Variants in CDH4 observed in about 807,000 individuals in gnomAD.
CDH4 encodes cadherin-4.
Under a neutral mutation model 86.0 loss-of-function variants are expected in CDH4, and 33 were observed. The ratio of observed to expected loss-of-function variants is 0.38; its 90% CI spans 0.29 to 0.51. The LOEUF is 0.51. Among genes scored for constraint, CDH4 ranks in the 20% least tolerant of loss-of-function variants. The pLI is 0.86. For synonymous variants in CDH4, 555 were observed against 549.4 expected (o/e 1.01, Z -0.14); for missense variants, 1,114 against 1,307.4 (o/e 0.85, Z 2.28).
At chr20:61,734,793 G>A (rs1446194571) in intron 2 of CDH4, among the ~76,000 whole-genome samples, 16 of 152,074 alleles carry the variant, frequency 1.1e-4, no homozygotes, top group Non-Finnish European at 1.0e-4. Flanking sequence ...AGTTTTCTCC[G>A]TCCCCACCCA....
chr20:61,455,980 A>AGGAT lies in CDH4; in HGVS notation c.169+201060_169+201063dup, dbSNP rs139765371. On this transcript the variant is annotated intron_variant, in intron 2 of 15. Coordinates refer to ENST00000614565, the MANE Select transcript of CDH4 (RefSeq NM_001794.5). ...ATAGATGGAGAGAAGGAAGGATAGA[A>AGGAT]GGATGGATGGATGGATGGATAGATA... Among the ~76,000 whole-genome samples, 152 of 151,934 alleles carry AGGAT rather than the reference A, an allele frequency of 1.0e-3. 1 individual carries two copies. Among genetic ancestry groups the AGGAT allele is most frequent in the South Asian group, 5.8e-3 (28 of 4,792 alleles).
At chr20:61,278,850 C>T (rs1235199552) in intron 2 of CDH4, among the ~76,000 whole-genome samples, 7 of 152,240 alleles carry the variant, frequency 4.6e-5, no homozygotes, top group Non-Finnish European at 1.0e-4. Flanking sequence ...TGCCACTTAC[C>T]TGGGAGGAGT....
In CDH4 at chr20:61,864,675, G is replaced by A. The variant is rs140711400; in HGVS notation, c.878-9053G>A. On this transcript the variant is annotated intron_variant, in intron 6 of 15. Transcript: ENST00000614565. The stretch of plus-strand genomic sequence containing the variant: ...AACTCCCAGAGCCAAGCCCTTGCCA[G>A]CGCGGACGGCGCCCATGAGAGGACC... 4.8e-3 allele frequency among the ~76,000 whole-genome samples: 728 copies of A among 152,326 alleles called. 4 individuals carry two copies. The highest frequency in any genetic ancestry group is 0.02 in the Middle Eastern group (6 of 294).
chr20:61,474,639 G>T (rs2145572094), intron 2 of CDH4, among the ~76,000 whole-genome samples: 1 of 152,028 alleles, frequency 6.6e-6, no homozygotes, highest in East Asian at 1.9e-4. Flanking sequence ...ATTGTGCCAT[G>T]GGTGACTTGA....
At chr20:61,443,070 T>C (rs916822630) in intron 2 of CDH4, among the ~76,000 whole-genome samples, 3 of 152,232 alleles carry the variant, frequency 2.0e-5, no homozygotes, top group African/African-American at 7.2e-5. Flanking sequence ...TGAGAACCGC[T>C]GCCTAGGAAG....
intron 3 of CDH4, among the ~76,000 whole-genome samples, chr20:61,761,927 A>G (rs1220483032): frequency 1.3e-5 from 2 of 152,074 alleles, no homozygotes; most frequent in African/African-American, 2.4e-5. Flanking sequence ...AGCTCCGCAC[A>G]GCAGGCAGCG....
chr20:61,527,222 A>G (rs933921795), intron 2 of CDH4, among the ~76,000 whole-genome samples: 2 of 152,186 alleles, frequency 1.3e-5, no homozygotes, highest in Non-Finnish European at 2.9e-5. Flanking sequence ...CTATCTCCCA[A>G]TAAAGGTAAA....
chr20:61,467,421 T>A (rs1482420330), intron 2 of CDH4, among the ~76,000 whole-genome samples: 1 of 152,202 alleles, frequency 6.6e-6, no homozygotes, highest in Non-Finnish European at 1.5e-5. Context: ...TCTGTGGTCG[T>A]TTCTCTGAAA....
intron 10 of CDH4, 130 bp from the exon 11 acceptor site, chr20:61,924,204 G>T (rs1398284883): frequency 1.1e-6 from 1 of 916,192 alleles, no homozygotes; most frequent in Non-Finnish European, 1.6e-6. Context: ...GACAAGGCCT[G>T]GGGGGCTCCA....
chr20:61,355,808 A>G (rs924280080), intron 2 of CDH4, among the ~76,000 whole-genome samples: 1 of 152,192 alleles, frequency 6.6e-6, no homozygotes, highest in East Asian at 1.9e-4. Flanking sequence ...ACACATGCGC[A>G]CTACAGTCAG....
At chr20:61,887,036 G>A (rs1340648976) in intron 7 of CDH4, among the ~76,000 whole-genome samples, 2 of 152,218 alleles carry the variant, frequency 1.3e-5, no homozygotes, top group African/African-American at 2.4e-5. Flanking sequence ...GATCAGCCAC[G>A]TCTGCAAGGA....
chr20:61,413,693 A>G (rs1464390227), intron 2 of CDH4, among the ~76,000 whole-genome samples: 2 of 152,150 alleles, frequency 1.3e-5, no homozygotes, highest in Admixed American at 6.5e-5. Flanking sequence ...GATATTCACC[A>G]TGGAGTCCCC....
In CDH4 at chr20:61,852,826, G is replaced by A. The variant is rs981932392; in HGVS notation, c.805G>A (p.Asp269Asn). ...CATCGACCTGTACATCTACGTCATC[G>A]ACATGAATGACAACCGCCCTGAGTT... Reference protein sequence around the residue: ...NPIDLYIYVIDMNDNRPEFIN... With the variant: ...NPIDLYIYVINMNDNRPEFIN... The change falls in exon 6 of 16, where the codon GAC becomes AAC. Residue 269 changes from aspartate to asparagine, a missense_variant. Asp to Asn is a conservative substitution (Grantham distance 23). Coordinates refer to ENST00000614565, the MANE Select transcript of CDH4 (RefSeq NM_001794.5). 1 of 1,614,070 alleles carries A rather than the reference G, an allele frequency of 6.2e-7. No homozygotes were observed. The highest frequency in any genetic ancestry group is 8.5e-7 in the Non-Finnish European group (1 of 1,179,966).
rs1475425946 is a variant in CDH4, at chr20:61,534,644, CTTTCT to C, written c.170-208911_170-208907del. ...TAAGTGGTGGTTTTTTCTTTTCTTTCTTTCTTTTCTTTCTTTCTTTCTTTTTTTTT... is the reference window on the plus strand; with the variant it reads ...TAAGTGGTGGTTTTTTCTTTTCTTTCTTTCTTTCTTTCTTTCTTTTTTTTT... On this transcript the variant is annotated intron_variant, in intron 2 of 15. Transcript: ENST00000614565. Among the ~76,000 whole-genome samples the C allele has an allele frequency of 7.4e-3, 779 of 105,362 alleles. 73 individuals carry two copies. Among genetic ancestry groups the C allele is most frequent in the East Asian group, 0.037 (108 of 2,938 alleles). The allele number at this position is 105,362 out of a possible 152,430, so 69.1% of individuals were successfully genotyped here.
At chr20:61,725,618 C>A (rs1488657235) in intron 2 of CDH4, among the ~76,000 whole-genome samples, 1 of 152,118 alleles carries the variant, frequency 6.6e-6, no homozygotes, top group South Asian at 2.1e-4. Context: ...ACAAGAAACA[C>A]CCCCAAATTG....
At chr20:61,449,737 A>G (rs1005773199) in intron 2 of CDH4, among the ~76,000 whole-genome samples, 2 of 152,218 alleles carry the variant, frequency 1.3e-5, no homozygotes, top group Non-Finnish European at 2.9e-5. Context: ...CTAACTCTAC[A>G]GAAGTGAAAT....
At position 61,744,359 on chromosome 20, in the gene CDH4, GGAGAGGAA is replaced by G. The variant is rs1372601351; in HGVS notation, c.396+577_396+584del. On this transcript the variant is annotated intron_variant, in intron 3 of 15. Transcript: ENST00000614565. Reference sequence around the variant, plus strand: ...GAGAGAGACAGGAAAGGAGAGGGAGGGAGAGGAAGAGAGGGAGAGAGAGAAGGAGGGAG... The same window carrying G: ...GAGAGAGACAGGAAAGGAGAGGGAGGGAGAGGGAGAGAGAGAAGGAGGGAG... 2.2e-4 allele frequency among the ~76,000 whole-genome samples: 33 copies of G among 150,298 alleles called. 1 individual carries two copies. The highest frequency in any genetic ancestry group is 2.1e-4 in the Non-Finnish European group (14 of 67,610).
chr20:61,333,229 GCA>G (rs1359769318), intron 2 of CDH4, among the ~76,000 whole-genome samples: 2 of 151,214 alleles, frequency 1.3e-5, no homozygotes, highest in Non-Finnish European at 2.9e-5. Flanking sequence ...AGACACGCAT[GCA>G]CACATATGCA....
At position 61,501,330 on chromosome 20, in the gene CDH4, C is replaced by T. The variant is rs1036811163; in HGVS notation, c.170-242233C>T. Among the ~76,000 whole-genome samples the T allele has an allele frequency of 6.6e-6, 1 of 152,138 alleles. No homozygotes were observed. Among genetic ancestry groups the T allele is most frequent in the Admixed American group, 6.5e-5 (1 of 15,282 alleles). ...TGCCTCTGGCTTCCGTGCAGAACAG[C>T]GGTTAGAGACGGGTGGAAAGAGAGA... On this transcript the variant is annotated intron_variant, in intron 2 of 15. Coordinates refer to ENST00000614565, the MANE Select transcript of CDH4 (RefSeq NM_001794.5). This position sits in a 1 kb window ranked among gnomAD's most constrained non-coding sequence, Gnocchi z 4.2.
Sources: allele counts gnomAD v4.1 joint callset (sites outside exome capture counted in the v4.1 genomes callset), GRCh38; gene constraint gnomAD v4.1.1; non-coding constraint Gnocchi (gnomAD v3.1); transcripts MANE v1.5; gene names NCBI Gene and HGNC (gene_info 2026-07-23, HGNC 2026-07-21).